Variants in PGLS observed in about 807,000 individuals in gnomAD.
PGLS encodes 6-phosphogluconolactonase.
Under a neutral mutation model 23.2 loss-of-function variants are expected in PGLS, and 21 were observed. That is an observed-to-expected ratio of 0.91 (90% CI 0.64 to 1.31). The LOEUF is 1.31. Ranked by LOEUF, PGLS falls within the 50% of genes most tolerant of loss-of-function variation. PGLS has a pLI of 0.00. For synonymous variants in PGLS, 179 were observed against 165.4 expected (o/e 1.08, Z -0.63); for missense variants, 410 against 354.0 (o/e 1.16, Z -1.27).
In PGLS at chr19:17,521,275, G is replaced by A; in HGVS notation, c.*194G>A. The A allele has an allele frequency of 1.7e-6, 1 of 578,050 alleles. No individual in the cohort carries two copies. Among genetic ancestry groups the A allele is most frequent in the South Asian group, 2.3e-5 (1 of 44,134 alleles). The allele number at this position is 578,050 out of a possible 1,614,324, so 35.8% of individuals were successfully genotyped here. On this transcript the variant is annotated 3_prime_UTR_variant, in exon 5 of 5. Coordinates refer to ENST00000252603, the MANE Select transcript of PGLS (RefSeq NM_012088.3). ...GCTCTGGACATCCGGATATTAAAAGGAGCGTTGCTGGAAGTCTGCACTGTC... is the reference window on the plus strand; with the variant it reads ...GCTCTGGACATCCGGATATTAAAAGAAGCGTTGCTGGAAGTCTGCACTGTC...
intron 1 of PGLS, chr19:17,512,907 C>T (rs568897492): frequency 2.0e-5 from 3 of 152,266 alleles, no homozygotes; most frequent in South Asian, 4.1e-4. Context: ...TTCATGAGTC[C>T]GTACCACAGC....
At chr19:17,519,579 T>C (rs1875029224) in intron 4 of PGLS, among the ~76,000 whole-genome samples, 1 of 151,896 alleles carries the variant, frequency 6.6e-6, no homozygotes, top group Admixed American at 6.6e-5. Context: ...TTTGTATTTT[T>C]AGTAGAGACA....
chr19:17,520,879 G>A (rs1402195217), intron 4 of PGLS, 65 bp from the exon 5 acceptor site: 13 of 1,466,388 alleles, frequency 8.9e-6, no homozygotes, highest in Non-Finnish European at 1.2e-5. Flanking sequence ...TGGGGAGCCA[G>A]GAGAGTGCCG....
chr19:17,517,970 G>T, intron 4 of PGLS, 120 bp downstream of exon 4: 1 of 910,440 alleles, frequency 1.1e-6, no homozygotes, highest in Non-Finnish European at 1.5e-6. Flanking sequence ...AGTCATTCTT[G>T]GGTTGAAAGG....
rs768786856 is a variant in PGLS at position 17,521,027 on chromosome 19, C to T, written c.723C>T (p.Asp241=). Residue 241 remains aspartate, a synonymous_variant, in exon 5 of 5, where the codon GAC becomes GAT. Coordinates refer to ENST00000252603, the MANE Select transcript of PGLS (RefSeq NM_012088.3). ...CCGGGAAACTGTGCTGGTTCTTGGA[C>T]GAGGCGGCCGCCCGCCTCCTGACCG... is the stretch of plus-strand genomic sequence containing the variant. The part of the protein sequence containing the change: ...PHTGKLCWFL[D]EAAARLLTVP... 3.0e-5 allele frequency: 48 copies of T among 1,600,708 alleles called. No homozygotes were observed. The highest frequency in any genetic ancestry group is 3.3e-4 in the Middle Eastern group (2 of 6,062).
chr19:17,514,809 C>T (rs1047791229), intron 1 of PGLS, among the ~76,000 whole-genome samples: 3 of 152,138 alleles, frequency 2.0e-5, no homozygotes. Flanking sequence ...TTCACCACCA[C>T]GCCCAGCTAA....
In PGLS at chr19:17,517,821, A is replaced by G. The variant is rs1259410335; in HGVS notation, c.610A>G (p.Thr204Ala). 14 of 1,614,028 alleles carry G rather than the reference A, an allele frequency of 8.7e-6. No homozygotes were observed. The highest frequency in any genetic ancestry group is 1.1e-5 in the Non-Finnish European group (13 of 1,180,036). Residue 204 changes from threonine to alanine, a missense_variant, in exon 4 of 5, where the codon ACT (threonine) becomes GCT (alanine). Physicochemically the swap from Thr to Ala is moderately conservative, Grantham distance 58 (BLOSUM62 0). Coordinates refer to ENST00000252603, the MANE Select transcript of PGLS (RefSeq NM_012088.3). ...NAARTVIFVA[T>A]GEGKAAVLKR... ...AGCACGAACTGTCATCTTTGTGGCA[A>G]CTGGAGAAGGCAAGGCAGCTGTTCT...
chr19:17,511,798 G>C lies in PGLS; in HGVS notation c.126G>C (p.Ala42=), dbSNP rs1397897637. The part of the protein sequence containing the change: ...CCLAGARARF[A]LGLSGGSLVS... ...TGGCAGGGGCCCGCGCCCGTTTCGC[G>C]CTCGGCCTGTCGGGCGGGAGCCTCG... Residue 42 remains alanine, a synonymous_variant, in exon 1 of 5, where the codon GCG becomes GCC. Coordinates refer to ENST00000252603, the MANE Select transcript of PGLS (RefSeq NM_012088.3). 2.6e-5 allele frequency: 39 copies of C among 1,502,600 alleles called. No individual in the cohort carries two copies. The highest frequency in any genetic ancestry group is 2.7e-5 in the Non-Finnish European group (31 of 1,131,632). 93.1% of individuals were successfully genotyped at this position (1,502,600 alleles called of 1,614,324 possible). A position where few individuals can be genotyped will look rare whatever the true frequency, so the allele number is the denominator to read the frequency against.
At chr19:17,519,526 A>G (rs1231215199) in intron 4 of PGLS, among the ~76,000 whole-genome samples, 1 of 151,458 alleles carries the variant, frequency 6.6e-6, no homozygotes, top group Non-Finnish European at 1.5e-5. Flanking sequence ...CAGCCTCCCA[A>G]GTAGCTGGGA....
chr19:17,518,023 AAAC>A (rs942172769), intron 4 of PGLS, among the ~76,000 whole-genome samples, 173 bp downstream of exon 4: 24 of 150,602 alleles, frequency 1.6e-4, no homozygotes, highest in African/African-American at 6.0e-4. Flanking sequence ...AAAAAAAAAA[AAAC>A]CCCAGAAAAT....
intron 4 of PGLS, among the ~76,000 whole-genome samples, chr19:17,518,179 G>A (rs929606333): frequency 2.0e-5 from 3 of 152,046 alleles, no homozygotes; most frequent in Non-Finnish European, 2.9e-5. Context: ...AATAAATCAA[G>A]TGCTTTCCTG....
In PGLS at chr19:17,511,951, C is replaced by T. The variant is rs1288085824; in HGVS notation, c.279C>T (p.Gly93=). 4 of 1,549,646 alleles carry T rather than the reference C, an allele frequency of 2.6e-6. No homozygotes were observed. The highest frequency in any genetic ancestry group is 3.5e-6 in the Non-Finnish European group (4 of 1,149,450). Residue 93 remains glycine, a synonymous_variant, in exon 1 of 5, where the codon GGC becomes GGT. Transcript: ENST00000252603. Reference sequence around the variant, plus strand: ...TCGATCACGCCGAGAGCACGTACGGCCTCTACCGGGTGAGAGCTACGGGGG... The same window carrying T: ...TCGATCACGCCGAGAGCACGTACGGTCTCTACCGGGTGAGAGCTACGGGGG... The part of the protein sequence containing the change: ...VPFDHAESTY[G]LYRTHLLSRL...
chr19:17,516,243 A>C lies in PGLS; in HGVS notation c.359A>C (p.Glu120Ala). The change falls in exon 2 of 5, where the codon GAG becomes GCG. Residue 120 changes from glutamate (E) to alanine (A), a missense_variant. Glu to Ala is a moderately radical substitution (Grantham distance 107). Transcript: ENST00000252603. ...VITINPELPV[E>A]EAAEDYAKKL... ...ACCATTAACCCCGAGCTGCCTGTGG[A>C]GGAGGCGGCTGAGGACTACGCCAAG... 6.2e-7 allele frequency: 1 copy of C among 1,613,990 alleles called. No homozygotes were observed. Among genetic ancestry groups the C allele is most frequent in the Non-Finnish European group, 8.5e-7 (1 of 1,179,886 alleles).
chr19:17,519,025 T>C (rs1440669643), intron 4 of PGLS, among the ~76,000 whole-genome samples: 1 of 151,698 alleles, frequency 6.6e-6, no homozygotes, highest in Non-Finnish European at 1.5e-5. Flanking sequence ...CCAAAAAAAA[T>C]AAATCAGGCG....
At chr19:17,516,031 GACC>G (rs1270823896) in intron 1 of PGLS, 139 bp from the exon 2 acceptor site, 1 of 624,412 alleles carries the variant, frequency 1.6e-6, no homozygotes, top group African/African-American at 1.8e-5. Flanking sequence ...CCAACCGAAG[GACC>G]TTGCACAAAT....
At chr19:17,519,523 C>A (rs2075548007) in intron 4 of PGLS, among the ~76,000 whole-genome samples, 1 of 151,774 alleles carries the variant, frequency 6.6e-6, no homozygotes, top group Non-Finnish European at 1.5e-5. Context: ...CCTCAGCCTC[C>A]CAAGTAGCTG....
At chr19:17,517,638 GGT>G (rs2075539332) in intron 3 of PGLS, 70 bp from the exon 4 acceptor site, 2 of 1,528,822 alleles carry the variant, frequency 1.3e-6, no homozygotes, top group Non-Finnish European at 1.8e-6. Context: ...GACCAGGCCT[GGT>G]GTGTGTAAGT....
At position 17,521,227 on chromosome 19, in the gene PGLS, C is replaced by T; in HGVS notation, c.*146C>T. The T allele has an allele frequency of 4.1e-6, 3 of 739,498 alleles. No homozygotes were observed. Among genetic ancestry groups the T allele is most frequent in the South Asian group, 1.9e-5 (1 of 51,590 alleles). 45.8% of individuals were successfully genotyped at this position (739,498 alleles called of 1,614,324 possible). ...ACAGCCTCCGGCCAGCAGCCCTACC[C>T]GGGGCTCAACACACAGGCTGTGGCT... is the stretch of plus-strand genomic sequence containing the variant. On this transcript the variant is annotated 3_prime_UTR_variant, in exon 5 of 5. Transcript: ENST00000252603.
In PGLS at chr19:17,517,778, A is replaced by C; in HGVS notation, c.567A>C (p.Thr189=). 1.2e-6 allele frequency: 2 copies of C among 1,613,788 alleles called. No individual in the cohort carries two copies. The highest frequency in any genetic ancestry group is 1.7e-6 in the Non-Finnish European group (2 of 1,179,930). Residue 189 remains threonine, a synonymous_variant, in exon 4 of 5, where the codon ACA becomes ACC. Transcript: ENST00000252603. ...PKPPPQRVTL[T]LPVLNAARTV... ...CACCGCCACAGCGTGTGACCCTCAC[A>C]CTACCTGTCCTGAATGCAGCACGAA...
Sources: allele counts gnomAD v4.1 joint callset (sites outside exome capture counted in the v4.1 genomes callset), GRCh38; gene constraint gnomAD v4.1.1; transcripts MANE v1.5; gene names NCBI Gene and HGNC (gene_info 2026-07-23, HGNC 2026-07-21).